PTCRA: variants seen among roughly 807,000 people sequenced by gnomAD.
PTCRA encodes pre T-cell antigen receptor alpha.
Under a neutral mutation model 13.4 loss-of-function variants are expected in PTCRA, and 9 were observed. The ratio of observed to expected loss-of-function variants is 0.67; its 90% CI spans 0.41 to 1.18. The LOEUF is 1.18. PTCRA is among the 50% of genes most tolerant of loss of function. The probability of loss-of-function intolerance (pLI) is 0.01; values close to 1 mark genes in which losing one functional copy is unlikely to be tolerated. For missense variants in PTCRA, 353 were observed against 359.8 expected (o/e 0.98, Z 0.15); for synonymous variants, 153 against 161.9 (o/e 0.94, Z 0.42).
chr6:42,925,364 G>T lies in PTCRA; in HGVS notation c.528G>T (p.Ala176=). The change falls in exon 4 of 4, where the codon GCG becomes GCT. Residue 176 remains alanine, a synonymous_variant. Transcript: ENST00000304672. The surrounding 1 kb of genome is among the most constrained non-coding windows in gnomAD (Gnocchi z 4.4). ...LLTCSCLCDP[A]GPLPSPATTT... is the part of the protein sequence containing the mutation. ...CCTGCAGCTGCCTGTGCGACCCCGC[G>T]GGCCCGCTGCCTTCCCCCGCAACCA... is the stretch of plus-strand genomic sequence containing the variant. The T allele has an allele frequency of 6.4e-7, 1 of 1,558,076 alleles. No individual in the cohort carries two copies. The highest frequency in any genetic ancestry group is 8.7e-7 in the Non-Finnish European group (1 of 1,151,962).
At chr6:42,919,614 GGCTGAGGTGGGA>G (rs1264143018) in intron 1 of PTCRA, among the ~76,000 whole-genome samples, 1 of 150,396 alleles carries the variant, frequency 6.6e-6, no homozygotes, top group African/African-American at 2.5e-5. Context: ...CTACTGGGAA[GGCTGAGGTGGGA>G]GGACTGCCTG....
chr6:42,923,067 C>T lies in PTCRA; in HGVS notation c.99C>T (p.Ile33=), dbSNP rs1340827023. 1 of 1,614,140 alleles carries T rather than the reference C, an allele frequency of 6.2e-7. No individual in the cohort carries two copies. The highest frequency in any genetic ancestry group is 1.3e-5 in the African/African-American group (1 of 74,936). The change falls in exon 2 of 4, where the codon ATC becomes ATT. Residue 33 remains isoleucine, a synonymous_variant. Transcript: ENST00000304672. ...CCTTTCCTTCTCTGGCCCCACCAAT[C>T]ATGCTGCTGGTGGATGGAAAGCAGC... ...GTPFPSLAPP[I]MLLVDGKQQM... is the part of the protein sequence containing the mutation.
At chr6:42,922,420 T>C (rs76464980) in intron 1 of PTCRA, among the ~76,000 whole-genome samples, 8,979 of 151,926 alleles carry the variant, frequency 0.059, 355 homozygotes, top group South Asian at 0.14. Context: ...GGTGGGTAGA[T>C]GGATAGATAG....
In PTCRA at chr6:42,921,706, G is replaced by A. The variant is rs534511048; in HGVS notation, c.59-1321G>A. 4.9e-5 allele frequency among the ~76,000 whole-genome samples: 7 copies of A among 141,874 alleles called. No homozygotes were observed. The East Asian group carries it at 1.1e-3, about 22-fold the overall frequency. The allele number at this position is 141,874 out of a possible 152,430, so 93.1% of individuals were successfully genotyped here. On this transcript the variant is annotated intron_variant, in intron 1 of 3. Transcript: ENST00000304672. The stretch of plus-strand genomic sequence containing the variant: ...GCTGGGATTACAGGCATGAGCCACC[G>A]TGCCCGGCCAACAAAGCTTTTTTTT...
Position 42,924,831 on chromosome 6 carries a change from C to T in PTCRA, c.425-430C>T, listed in dbSNP as rs570889418. ...ACTAAAAATACAAAAATTAGCCGAGCGTGATGGCACACGCCTGTAGTCCCA... is the reference window on the plus strand; with the variant it reads ...ACTAAAAATACAAAAATTAGCCGAGTGTGATGGCACACGCCTGTAGTCCCA... On this transcript the variant is annotated intron_variant, in intron 3 of 3. Transcript: ENST00000304672. 1.2e-4 allele frequency among the ~76,000 whole-genome samples: 19 copies of T among 152,080 alleles called. No homozygotes were observed. The South Asian group carries it at 3.5e-3, about 28-fold the overall frequency.
chr6:42,924,853 C>A (rs906466485), intron 3 of PTCRA, among the ~76,000 whole-genome samples: 2 of 152,000 alleles, frequency 1.3e-5, no homozygotes, highest in Non-Finnish European at 2.9e-5. Flanking sequence ...CGCCTGTAGT[C>A]CCAGCTACTC....
intron 3 of PTCRA, 87 bp downstream of exon 3, chr6:42,924,360 T>C (rs1446998559): frequency 8.8e-7 from 1 of 1,135,870 alleles, no homozygotes; most frequent in Non-Finnish European, 1.3e-6. Flanking sequence ...TCTGGCCTAA[T>C]GGGTCTTACA....
At position 42,921,615 on chromosome 6, in the gene PTCRA, A is replaced by T. The variant is rs1426700277; in HGVS notation, c.59-1412A>T. 5.5e-5 allele frequency among the ~76,000 whole-genome samples: 8 copies of T among 144,752 alleles called. No individual in the cohort carries two copies. The East Asian group carries it at 6.4e-4, about 12-fold the overall frequency. The allele number at this position is 144,752 out of a possible 152,430, so 95.0% of individuals were successfully genotyped here. ...GTATTTTTAGTAGAGATGGGGTTTCACCATGTTGGCCAGGATAGTCTCGAT... is the reference window on the plus strand; with the variant it reads ...GTATTTTTAGTAGAGATGGGGTTTCTCCATGTTGGCCAGGATAGTCTCGAT... On this transcript the variant is annotated intron_variant, in intron 1 of 3. Coordinates refer to ENST00000304672, the MANE Select transcript of PTCRA (RefSeq NM_138296.3).
chr6:42,924,110 C>T lies in PTCRA; in HGVS notation c.380-119C>T, dbSNP rs563591093. On this transcript the variant is annotated intron_variant, in intron 2 of 3. Transcript: ENST00000304672. ...GGTTTCTGCTGCTGGCTCACTTGTC[C>T]ATTTACCCCAAATGCCTCGACACCC... The T allele has an allele frequency of 3.4e-4, 279 of 814,320 alleles. 1 individual carries two copies. Among genetic ancestry groups the T allele is most frequent in the East Asian group, 2.4e-3 (87 of 36,058 alleles). The allele number at this position is 814,320 out of a possible 1,614,324, so 50.4% of individuals were successfully genotyped here. A position where few individuals can be genotyped will look rare whatever the true frequency, so the allele number is the denominator to read the frequency against.
At chr6:42,921,663 A>C (rs1767171626) in intron 1 of PTCRA, among the ~76,000 whole-genome samples, 1 of 128,490 alleles carries the variant, frequency 7.8e-6, no homozygotes, top group Non-Finnish European at 1.6e-5. Context: ...TGATCTGCCC[A>C]CCTTGGCCTC....
intron 3 of PTCRA, among the ~76,000 whole-genome samples, chr6:42,924,969 TAA>T (rs11343543): frequency 2.4e-3 from 347 of 144,806 alleles, no homozygotes; most frequent in Middle Eastern, 3.6e-3. Context: ...AGACTCCATC[TAA>T]AAAAAAAAAA....
intron 3 of PTCRA, chr6:42,924,518 C>A (rs1412912045): frequency 1.8e-6 from 1 of 568,066 alleles, no homozygotes; most frequent in Admixed American, 3.4e-5. Flanking sequence ...GCACAGGTGA[C>A]AGCTAACAGA....
In PTCRA at chr6:42,925,589, G is replaced by A; in HGVS notation, c.753G>A (p.Trp251Ter). Residue 251 changes from tryptophan to a stop codon, truncating the protein, a stop_gained, in exon 4 of 4, where the codon TGG (tryptophan) becomes TGA (stop). Transcript: ENST00000304672. LOFTEE classifies it low-confidence loss of function (END_TRUNC). This position sits in a 1 kb window ranked among gnomAD's most constrained non-coding sequence, Gnocchi z 4.4. ...SSYPTCPAQA[W>*]CSRSALRAPS... ...ACCCCACTTGCCCAGCACAGGCCTG[G>A]TGCTCAAGATCTGCCCTCAGGGCTC... 2.5e-6 allele frequency: 4 copies of A among 1,601,278 alleles called. No individual in the cohort carries two copies. Among genetic ancestry groups the A allele is most frequent in the South Asian group, 1.1e-5 (1 of 88,810 alleles).
At chr6:42,921,926 G>A (rs1167616239) in intron 1 of PTCRA, among the ~76,000 whole-genome samples, 1 of 151,734 alleles carries the variant, frequency 6.6e-6, no homozygotes, top group African/African-American at 2.4e-5. Context: ...TTGGGAGGCT[G>A]AGGCAGAAGA....
chr6:42,924,518 C>T, intron 3 of PTCRA: 1 of 568,066 alleles, frequency 1.8e-6, no homozygotes, highest in South Asian at 2.0e-5. Context: ...GCACAGGTGA[C>T]AGCTAACAGA....
chr6:42,922,379 C>T (rs532129072), intron 1 of PTCRA: 2 of 623,876 alleles, frequency 3.2e-6, no homozygotes, highest in East Asian at 5.7e-5. Context: ...GAAAGGGGCT[C>T]GGATATCATA....
intron 1 of PTCRA, among the ~76,000 whole-genome samples, chr6:42,916,799 G>A (rs1562525170): frequency 6.6e-6 from 1 of 152,288 alleles, no homozygotes; most frequent in Non-Finnish European, 1.5e-5. Context: ...AGTCAGGGGG[G>A]TCTCCTTGAT....
chr6:42,917,598 G>A (rs1452772515), intron 1 of PTCRA, among the ~76,000 whole-genome samples: 1 of 148,366 alleles, frequency 6.7e-6, no homozygotes, highest in African/African-American at 2.5e-5. Flanking sequence ...TGCCCAGATT[G>A]GAGTGCAATG....
At chr6:42,923,459 C>A (rs1421276179) in intron 2 of PTCRA, 112 bp downstream of exon 2, 17 of 1,039,248 alleles carry the variant, frequency 1.6e-5, no homozygotes, top group Admixed American at 6.6e-5. Flanking sequence ...GGTGTCCAAG[C>A]GCAGAGCCTC....
Sources: allele counts gnomAD v4.1 joint callset (sites outside exome capture counted in the v4.1 genomes callset), GRCh38; gene constraint gnomAD v4.1.1; non-coding constraint Gnocchi (gnomAD v3.1); transcripts MANE v1.5; gene names NCBI Gene and HGNC (gene_info 2026-07-23, HGNC 2026-07-21).